TNFRSF11A: variants seen among roughly 807,000 people sequenced by gnomAD.
TNFRSF11A encodes the protein tumor necrosis factor receptor superfamily member 11A.
TNFRSF11A carries 32 observed loss-of-function variants against 55.7 expected under a neutral mutation model. The observed-to-expected ratio is 0.57, with a 90% confidence interval of 0.43 to 0.77. TNFRSF11A has a LOEUF of 0.77. Ranked by LOEUF, TNFRSF11A falls within the 30% of genes least tolerant of loss-of-function variation. The pLI is 0.00. For missense variants in TNFRSF11A, 753 were observed against 809.8 expected (o/e 0.93, Z 0.85); for synonymous variants, 311 against 331.0 (o/e 0.94, Z 0.65).
chr18:62,349,425 C>T (rs979184586), intron 2 of TNFRSF11A, among the ~76,000 whole-genome samples: 1 of 152,168 alleles, frequency 6.6e-6, no homozygotes, highest in Non-Finnish European at 1.5e-5. Context: ...AGGTGATCCG[C>T]CCGTCTCCGC....
At chr18:62,342,336 A>T (rs1336564561) in intron 1 of TNFRSF11A, among the ~76,000 whole-genome samples, 1 of 138,712 alleles carries the variant, frequency 7.2e-6, no homozygotes, top group Non-Finnish European at 1.5e-5. Context: ...TGGGAGGTCA[A>T]GGCTGCAGTG....
intron 1 of TNFRSF11A, among the ~76,000 whole-genome samples, chr18:62,346,032 C>T (rs1169498988): frequency 6.6e-6 from 1 of 152,212 alleles, no homozygotes; most frequent in Non-Finnish European, 1.5e-5. Context: ...CAGGACACAG[C>T]TTGTGACATC....
chr18:62,367,766 C>G (rs1383799254), intron 8 of TNFRSF11A, among the ~76,000 whole-genome samples: 1 of 82,632 alleles, frequency 1.2e-5, no homozygotes, highest in African/African-American at 3.5e-5. Flanking sequence ...TCCTTTAGAT[C>G]TTTCTTTCTT....
intron 1 of TNFRSF11A, among the ~76,000 whole-genome samples, chr18:62,347,409 T>C (rs1176634214): frequency 6.6e-6 from 1 of 152,200 alleles, no homozygotes; most frequent in South Asian, 2.1e-4. Context: ...GCTGCTCTGT[T>C]TTCTTTTGTT....
intron 5 of TNFRSF11A, 149 bp from the exon 6 acceptor site, chr18:62,359,806 C>T (rs1237725212): frequency 1.4e-6 from 1 of 703,696 alleles, no homozygotes; most frequent in Non-Finnish European, 2.6e-6. Context: ...TGTTCTCCTC[C>T]CTGTGGAAGG....
rs1442389148 is a variant in TNFRSF11A at position 62,385,463 on chromosome 18, CTCTT to C, written c.*435_*438del. The C allele has an allele frequency of 6.3e-6, 1 of 158,340 alleles. No homozygotes were observed. The highest frequency in any genetic ancestry group is 2.4e-5 in the African/African-American group (1 of 41,506). The allele number at this position is 158,340 out of a possible 1,614,324, so 9.8% of individuals were successfully genotyped here. Reference sequence around the variant, plus strand: ...CAAAAATTCTCCTAAAGGTGAGGGTCTCTTTCTTTTCTCTTTTCCTTTTTTTTTT... The same window carrying C: ...CAAAAATTCTCCTAAAGGTGAGGGTCTCTTTTCTCTTTTCCTTTTTTTTTT... On this transcript the variant is annotated 3_prime_UTR_variant, in exon 10 of 10. Coordinates refer to ENST00000586569, the MANE Select transcript of TNFRSF11A (RefSeq NM_003839.4).
At chr18:62,368,176 A>T (rs1163783906) in intron 8 of TNFRSF11A, among the ~76,000 whole-genome samples, 1 of 152,198 alleles carries the variant, frequency 6.6e-6, no homozygotes, top group Non-Finnish European at 1.5e-5. Flanking sequence ...CCAACTCAAC[A>T]TGATTCATTC....
At chr18:62,329,289 C>T (rs1311010780) in intron 1 of TNFRSF11A, among the ~76,000 whole-genome samples, 1 of 152,230 alleles carries the variant, frequency 6.6e-6, no homozygotes, top group African/African-American at 2.4e-5. Flanking sequence ...CATCTGCCCC[C>T]TGGCCAGGTG....
chr18:62,353,695 G>A (rs1909009937), intron 3 of TNFRSF11A, among the ~76,000 whole-genome samples: 1 of 150,402 alleles, frequency 6.6e-6, no homozygotes, highest in African/African-American at 2.4e-5. Context: ...GTGTGTGTAT[G>A]TAGTTTATAA....
At chr18:62,362,696 A>G (rs1909785951) in intron 7 of TNFRSF11A, among the ~76,000 whole-genome samples, 1 of 150,540 alleles carries the variant, frequency 6.6e-6, no homozygotes, top group Non-Finnish European at 1.5e-5. Context: ...AATTTTTACG[A>G]AAGGATTCAA....
intron 9 of TNFRSF11A, among the ~76,000 whole-genome samples, chr18:62,371,630 G>A (rs1323838906): frequency 1.3e-5 from 2 of 152,168 alleles, no homozygotes; most frequent in East Asian, 3.8e-4. Flanking sequence ...CGTGGTCGAC[G>A]CCAGCAAGCG....
At chr18:62,364,352 G>A (rs934608492) in intron 7 of TNFRSF11A, among the ~76,000 whole-genome samples, 3 of 152,148 alleles carry the variant, frequency 2.0e-5, no homozygotes, top group Admixed American at 6.5e-5. Flanking sequence ...GGAGGGCATG[G>A]CGAGACCATG....
chr18:62,360,407 A>G (rs1296722996), intron 6 of TNFRSF11A, among the ~76,000 whole-genome samples: 1 of 151,930 alleles, frequency 6.6e-6, no homozygotes, highest in Non-Finnish European at 1.5e-5. Flanking sequence ...TCTAGCTATC[A>G]TTATCTATGG....
chr18:62,329,739 G>C (rs986361565), intron 1 of TNFRSF11A, among the ~76,000 whole-genome samples: 2 of 152,152 alleles, frequency 1.3e-5, no homozygotes, highest in Non-Finnish European at 2.9e-5. Flanking sequence ...GATTCTGAGA[G>C]ACACTCTATT....
In TNFRSF11A at chr18:62,369,461, C is replaced by T; in HGVS notation, c.1544C>T (p.Pro515Leu). 6.2e-7 allele frequency: 1 copy of T among 1,608,508 alleles called. No individual in the cohort carries two copies. The highest frequency in any genetic ancestry group is 1.8e-4 in the Middle Eastern group (1 of 5,604). Residue 515 changes from proline (P) to leucine (L), a missense_variant, in exon 9 of 10, where the codon CCT (proline) becomes CTT (leucine). Physicochemically the swap from Pro to Leu is moderately conservative, Grantham distance 98. Around this residue, in one of 3 missense-constraint regions of TNFRSF11A, gnomAD observed 567 missense variants for 596.7 expected, o/e 0.95. Coordinates refer to ENST00000586569, the MANE Select transcript of TNFRSF11A (RefSeq NM_003839.4). ...GCAGGTGCCGGGTCTGGAAGCTCCCCTGGTGGCCAGTCCCCTGCATCTGGT... is the reference window on the plus strand; with the variant it reads ...GCAGGTGCCGGGTCTGGAAGCTCCCTTGGTGGCCAGTCCCCTGCATCTGGT... ...ARAGAGSGSSPGGQSPASGNV... is the reference protein window; with the variant it reads ...ARAGAGSGSSLGGQSPASGNV...
At chr18:62,352,152 G>A (rs947111535) in intron 3 of TNFRSF11A, among the ~76,000 whole-genome samples, 4 of 152,204 alleles carry the variant, frequency 2.6e-5, no homozygotes, top group Admixed American at 2.6e-4. Flanking sequence ...GTGGCCCAAG[G>A]TGTTTTGATA....
At chr18:62,342,195 G>T (rs1026659165) in intron 1 of TNFRSF11A, among the ~76,000 whole-genome samples, 2 of 151,676 alleles carry the variant, frequency 1.3e-5, no homozygotes, top group African/African-American at 2.4e-5. Flanking sequence ...GAGCTCAGGG[G>T]TTCAAGACCA....
intron 1 of TNFRSF11A, among the ~76,000 whole-genome samples, chr18:62,334,925 C>T (rs2046207771): frequency 6.6e-6 from 1 of 152,116 alleles, no homozygotes; most frequent in South Asian, 2.1e-4. Context: ...ATCCCCAAAA[C>T]CTATGACAAT....
chr18:62,368,740 A>G lies in TNFRSF11A; in HGVS notation c.823A>G (p.Asn275Asp), dbSNP rs2145354809. 1.2e-6 allele frequency: 2 copies of G among 1,614,220 alleles called. No homozygotes were observed. Among genetic ancestry groups the G allele is most frequent in the Non-Finnish European group, 1.7e-6 (2 of 1,180,048 alleles). ...GDSCVSTHTANFGQQGACEGV... is the reference protein window; with the variant it reads ...GDSCVSTHTADFGQQGACEGV... ...CAGTTGTGTCAGTACACACACGGCA[A>G]ACTTTGGTCAGCAGGGAGCATGTGA... The change falls in exon 9 of 10, where the codon AAC becomes GAC. Residue 275 changes from asparagine to aspartate, a missense_variant. Coordinates refer to ENST00000586569, the MANE Select transcript of TNFRSF11A (RefSeq NM_003839.4).
Sources: gnomAD v4.1 joint callset for allele counts (sites outside exome capture counted in the v4.1 genomes callset) on GRCh38, gnomAD v4.1.1 for gene constraint, gnomAD v4.1.1 regional missense constraint, MANE v1.5 for transcripts, NCBI Gene and HGNC (gene_info 2026-07-23, HGNC 2026-07-21) for gene names.